NEO1: variants seen among roughly 807,000 people sequenced by gnomAD.
NEO1 encodes the protein neogenin 1.
In NEO1, 63 loss-of-function variants were observed where a neutral mutation model predicts 159.7. That is an observed-to-expected ratio of 0.39 (90% CI 0.32 to 0.49). The LOEUF (loss-of-function observed/expected upper bound fraction) is 0.49, where lower values mean the gene tolerates loss of function less well. NEO1 is among the 20% of genes least tolerant of loss of function. NEO1 has a pLI of 0.85. For synonymous variants in NEO1, 633 were observed against 662.0 expected, an observed-to-expected ratio of 0.96 and a Z score of 0.67; for missense variants, 1,615 against 1,831.0, an observed-to-expected ratio of 0.88 and a Z score of 2.15.
chr15:73,089,992 T>C (rs2069590952), intron 1 of NEO1, among the ~76,000 whole-genome samples: 1 of 152,184 alleles, frequency 6.6e-6, no homozygotes, highest in Non-Finnish European at 1.5e-5. Context: ...ATTTAGAGCA[T>C]TTTATTTTAC....
At chr15:73,281,637 A>G (rs1215822195) in intron 22 of NEO1, among the ~76,000 whole-genome samples, 1 of 152,138 alleles carries the variant, frequency 6.6e-6, no homozygotes, top group Non-Finnish European at 1.5e-5. Flanking sequence ...CGCTGGCAGG[A>G]TGCCTCTTAA....
intron 1 of NEO1, among the ~76,000 whole-genome samples, chr15:73,103,794 G>T (rs1407535047): frequency 6.6e-6 from 1 of 152,110 alleles, no homozygotes; most frequent in Non-Finnish European, 1.5e-5. Context: ...AGCAACAAAA[G>T]AAAAATAATT....
rs2042677669 is a variant in NEO1, at chr15:73,302,961, T to A, written c.*265T>A. ...CTGGGCACCATGGGCCAAAATTTTG[T>A]GTCCAGGGAAGAGGCGAGAAGTGCA... On this transcript the variant is annotated 3_prime_UTR_variant, in exon 29 of 29. Coordinates refer to ENST00000261908, the MANE Select transcript of NEO1 (RefSeq NM_002499.4). 2 of 390,670 alleles carry A rather than the reference T, an allele frequency of 5.1e-6. No homozygotes were observed. The highest frequency in any genetic ancestry group is 9.6e-6 in the Non-Finnish European group (2 of 208,438). 24.2% of individuals were successfully genotyped at this position (390,670 alleles called of 1,614,324 possible). A position where few individuals can be genotyped will look rare whatever the true frequency, so the allele number is the denominator to read the frequency against.
At chr15:73,136,078 C>G in intron 5 of NEO1, 51 bp downstream of exon 5, 1 of 1,506,410 alleles carries the variant, frequency 6.6e-7, no homozygotes, top group East Asian at 2.3e-5. Flanking sequence ...CTTTCTGGGT[C>G]TGCTAATTTT....
Position 73,289,413 on chromosome 15 carries a change from A to T in NEO1, c.3742+175A>T, listed in dbSNP as rs117275581. 4.9e-3 allele frequency among the ~76,000 whole-genome samples: 752 copies of T among 152,322 alleles called. 12 individuals are homozygous for T. Among genetic ancestry groups the T allele is most frequent in the East Asian group, 0.049 (255 of 5,176 alleles). On this transcript the variant is annotated intron_variant, in intron 25 of 28. Coordinates refer to ENST00000261908, the MANE Select transcript of NEO1 (RefSeq NM_002499.4). ...CTTGCCATATTTTGCAACAAACATTATTCTTGAGGCTAGCGTCGTTATGTT... is the reference window on the plus strand; with the variant it reads ...CTTGCCATATTTTGCAACAAACATTTTTCTTGAGGCTAGCGTCGTTATGTT...
At chr15:73,272,807 C>A (rs2041233319) in intron 19 of NEO1, among the ~76,000 whole-genome samples, 1 of 151,978 alleles carries the variant, frequency 6.6e-6, no homozygotes, top group Admixed American at 6.6e-5. Flanking sequence ...CACTAGACAG[C>A]CTTTGGCTAT....
chr15:73,225,738 G>T (rs1435917928), intron 7 of NEO1, among the ~76,000 whole-genome samples: 1 of 152,156 alleles, frequency 6.6e-6, no homozygotes, highest in Non-Finnish European at 1.5e-5. Flanking sequence ...AAAGAAAAGG[G>T]CTTGATTCTT....
At chr15:73,122,212 A>T (rs1779502531) in intron 2 of NEO1, among the ~76,000 whole-genome samples, 1 of 150,834 alleles carries the variant, frequency 6.6e-6, no homozygotes, top group South Asian at 2.1e-4. Context: ...TATATCTATG[A>T]TTATATAAAA....
chr15:73,092,837 A>C (rs1470358764), intron 1 of NEO1, among the ~76,000 whole-genome samples: 1 of 152,202 alleles, frequency 6.6e-6, no homozygotes. Flanking sequence ...TCTTATATTA[A>C]AATGATACAT....
chr15:73,150,925 C>T (rs570678717), intron 5 of NEO1, among the ~76,000 whole-genome samples: 2 of 152,312 alleles, frequency 1.3e-5, no homozygotes, highest in African/African-American at 4.8e-5. Flanking sequence ...AGGCTTCTTT[C>T]ACAAAGCATA....
chr15:73,122,118 T>G (rs1313723205), intron 2 of NEO1, among the ~76,000 whole-genome samples: 1 of 30,332 alleles, frequency 3.3e-5, no homozygotes, highest in African/African-American at 4.5e-4. Context: ...ATTATATATA[T>G]GTATAGCAAT....
chr15:73,091,520 G>A (rs2151445993), intron 1 of NEO1, among the ~76,000 whole-genome samples: 1 of 152,138 alleles, frequency 6.6e-6, no homozygotes, highest in South Asian at 2.1e-4. Context: ...TTCTGCTTTT[G>A]CGCATAGTGA....
intron 1 of NEO1, among the ~76,000 whole-genome samples, chr15:73,056,860 A>G (rs188838000): frequency 1.3e-5 from 2 of 152,330 alleles, no homozygotes; most frequent in East Asian, 3.9e-4. Flanking sequence ...CTAAAAGAAA[A>G]GACTGATGGC....
intron 22 of NEO1, 78 bp from the exon 23 acceptor site, chr15:73,282,886 T>C (rs1226815210): frequency 1.3e-6 from 2 of 1,509,032 alleles, no homozygotes; most frequent in Non-Finnish European, 1.8e-6. Context: ...ACGTGAGATA[T>C]TAATGGTTCT....
intron 7 of NEO1, among the ~76,000 whole-genome samples, chr15:73,220,690 C>T (rs2038192863): frequency 6.6e-6 from 1 of 152,160 alleles, no homozygotes. Context: ...ATCTTCATCG[C>T]TGATACCCTT....
Position 73,126,402 on chromosome 15 carries a change from T to G in NEO1, c.725-15T>G, listed in dbSNP as rs2030251634. ...TCCTTTAATTATTGTCTTTGTTAAT[T>G]TTTTTTTTTTTTAGATCCTGAGGTG... On this transcript the variant is annotated splice_polypyrimidine_tract_variant and intron_variant, in intron 3 of 28. Transcript: ENST00000261908. 2 of 1,180,648 alleles carry G rather than the reference T, an allele frequency of 1.7e-6. No homozygotes were observed. Among genetic ancestry groups the G allele is most frequent in the Non-Finnish European group, 2.3e-6 (2 of 872,070 alleles). The allele number at this position is 1,180,648 out of a possible 1,614,324, so 73.1% of individuals were successfully genotyped here.
chr15:73,142,692 T>G (rs2032509640), intron 5 of NEO1, among the ~76,000 whole-genome samples: 1 of 152,194 alleles, frequency 6.6e-6, no homozygotes, highest in African/African-American at 2.4e-5. Context: ...TTGGTAGGGC[T>G]TTTAATTTAA....
chr15:73,079,323 A>G (rs894496303), intron 1 of NEO1, among the ~76,000 whole-genome samples: 1 of 152,206 alleles, frequency 6.6e-6, no homozygotes, highest in Non-Finnish European at 1.5e-5. Flanking sequence ...TTTTCCCTTG[A>G]AAAGAGTACC....
chr15:73,253,071 T>TG (rs2040160340), intron 11 of NEO1, among the ~76,000 whole-genome samples: 1 of 152,156 alleles, frequency 6.6e-6, no homozygotes, highest in South Asian at 2.1e-4. Context: ...TGAGTACATA[T>TG]GGGGTCTAGA....
Sources: gnomAD v4.1 joint callset for allele counts (sites outside exome capture counted in the v4.1 genomes callset) on GRCh38, gnomAD v4.1.1 for gene constraint, MANE v1.5 for transcripts, NCBI Gene and HGNC (gene_info 2026-07-23, HGNC 2026-07-21) for gene names.